Variants in PKNOX2 observed in about 807,000 individuals in gnomAD.
The protein encoded by PKNOX2 is PBX/knotted 1 homeobox 2, also known as homeobox protein PKNOX2.
Under a neutral mutation model 53.1 loss-of-function variants are expected in PKNOX2, and 14 were observed. The ratio of observed to expected loss-of-function variants is 0.26; its 90% CI spans 0.17 to 0.41. PKNOX2 has a LOEUF of 0.41. Ranked by LOEUF, PKNOX2 falls within the 10% of genes least tolerant of loss-of-function variation. The pLI is 1.00. For missense variants in PKNOX2, 496 were observed against 602.8 expected, an observed-to-expected ratio of 0.82 and a Z score of 1.85; for synonymous variants, 257 against 242.8, an observed-to-expected ratio of 1.06 and a Z score of -0.54.
At position 125,397,884 on chromosome 11, in the gene PKNOX2, C is replaced by T; in HGVS notation, c.410C>T (p.Ala137Val). Residue 137 changes from alanine to valine, a missense_variant, in exon 7 of 13, where the codon GCA (alanine) becomes GTA (valine). By Grantham distance (64) the Ala-to-Val change is moderately conservative (BLOSUM62 0). This residue lies in a region of PKNOX2 where 168 missense variants were observed against 178.4 expected (regional missense o/e 0.94). Coordinates refer to ENST00000298282, the MANE Select transcript of PKNOX2 (RefSeq NM_001382323.2). ...CCTCCCTCTCCACAGATGGTGAAGG[C>T]AATCCAGGTCCTGAGAATCCACCTG... ...DPELDNLMVK[A>V]IQVLRIHLLE... 6.2e-7 allele frequency: 1 copy of T among 1,610,404 alleles called. No individual in the cohort carries two copies. Among genetic ancestry groups the T allele is most frequent in the South Asian group, 1.1e-5 (1 of 89,998 alleles).
At chr11:125,306,116 T>C (rs1244711840) in intron 2 of PKNOX2, among the ~76,000 whole-genome samples, 2 of 151,954 alleles carry the variant, frequency 1.3e-5, no homozygotes, top group Admixed American at 6.6e-5. Context: ...CCAGGAGGCA[T>C]GGTGGCCATT....
At chr11:125,302,185 C>T (rs887803937) in intron 2 of PKNOX2, among the ~76,000 whole-genome samples, 1 of 152,130 alleles carries the variant, frequency 6.6e-6, no homozygotes, top group African/African-American at 2.4e-5. Flanking sequence ...TGGACTCCCA[C>T]AGAGGATGGG....
rs907302651 is a variant in PKNOX2, at chr11:125,418,305, A to C, written c.936+6440A>C. Among the ~76,000 whole-genome samples, 13 of 152,058 alleles carry C rather than the reference A, an allele frequency of 8.5e-5. 1 individual carries two copies. Among genetic ancestry groups the C allele is most frequent in the Non-Finnish European group, 1.9e-4 (13 of 68,040 alleles). On this transcript the variant is annotated intron_variant, in intron 10 of 12. Coordinates refer to ENST00000298282, the MANE Select transcript of PKNOX2 (RefSeq NM_001382323.2). ...TCATTCCACGTTGTGGTTGAAGCAT[A>C]TTCCATGGTACAGATGTAGCACATT...
At chr11:125,401,576 G>A (rs751552181) in intron 7 of PKNOX2, among the ~76,000 whole-genome samples, 10 of 152,110 alleles carry the variant, frequency 6.6e-5, no homozygotes, top group East Asian at 3.9e-4. Context: ...ACACTCACAC[G>A]TCTCTTAAGC....
In PKNOX2 at chr11:125,235,055, G is replaced by A. The variant is rs1191423286; in HGVS notation, c.-190G>A. 2 of 152,648 alleles carry A rather than the reference G, an allele frequency of 1.3e-5. No homozygotes were observed. Among genetic ancestry groups the A allele is most frequent in the Non-Finnish European group, 2.9e-5 (2 of 68,050 alleles). 9.5% of individuals were successfully genotyped at this position (152,648 alleles called of 1,614,324 possible). A position where few individuals can be genotyped will look rare whatever the true frequency, so the allele number is the denominator to read the frequency against. On this transcript the variant is annotated 5_prime_UTR_variant, in exon 2 of 13. Transcript: ENST00000298282. ...TTCTTTCATTGGCAGGTGAAGTCTG[G>A]AGCAGGACTTCTGAGGCTTTCTATC... is the stretch of plus-strand genomic sequence containing the variant.
chr11:125,391,516 CACA>C (rs1954051351), intron 6 of PKNOX2, among the ~76,000 whole-genome samples: 1 of 152,174 alleles, frequency 6.6e-6, no homozygotes, highest in African/African-American at 2.4e-5. Context: ...ATTCAGTTTT[CACA>C]ACAACTCTGA....
At chr11:125,226,756 TCAC>T (rs2135529087) in intron 1 of PKNOX2, among the ~76,000 whole-genome samples, 1 of 151,306 alleles carries the variant, frequency 6.6e-6, no homozygotes, top group African/African-American at 2.4e-5. Context: ...TCTCCTACCC[TCAC>T]CAGGTTTTTT....
chr11:125,196,559 A>G (rs1231120710), intron 1 of PKNOX2, among the ~76,000 whole-genome samples: 1 of 152,196 alleles, frequency 6.6e-6, no homozygotes, highest in Non-Finnish European at 1.5e-5. Flanking sequence ...CCACTGTCAC[A>G]GAGAGTGCTG....
intron 2 of PKNOX2, among the ~76,000 whole-genome samples, chr11:125,257,742 T>A (rs1195811095): frequency 6.6e-6 from 1 of 152,200 alleles, no homozygotes; most frequent in Non-Finnish European, 1.5e-5. Context: ...CTTTTCATCG[T>A]CATTGTCACT....
intron 2 of PKNOX2, among the ~76,000 whole-genome samples, chr11:125,263,684 G>C (rs1431395863): frequency 2.6e-5 from 4 of 152,246 alleles, no homozygotes; most frequent in African/African-American, 9.6e-5. Flanking sequence ...GGCTATCTCA[G>C]TCCGGTCTTC....
Position 125,351,280 on chromosome 11 carries a change from A to C in PKNOX2, c.-22-4A>C. On this transcript the variant is annotated splice_polypyrimidine_tract_variant and splice_region_variant and intron_variant, in intron 3 of 12. Transcript: ENST00000298282. ...CGGTGCGGCCCCCTTTCTCCTGCCC[A>C]CAGGTCCTCCATGTGAATCAATCCC... 7.0e-7 allele frequency: 1 copy of C among 1,424,826 alleles called. No homozygotes were observed. Among genetic ancestry groups the C allele is most frequent in the Non-Finnish European group, 9.9e-7 (1 of 1,013,598 alleles). 88.3% of individuals were successfully genotyped at this position (1,424,826 alleles called of 1,614,324 possible). A position where few individuals can be genotyped will look rare whatever the true frequency, so the allele number is the denominator to read the frequency against.
At chr11:125,223,761 G>A (rs893052371) in intron 1 of PKNOX2, among the ~76,000 whole-genome samples, 7 of 152,110 alleles carry the variant, frequency 4.6e-5, no homozygotes, top group Non-Finnish European at 1.0e-4. Context: ...TTTATACTAC[G>A]TTGGATCTAT....
intron 1 of PKNOX2, among the ~76,000 whole-genome samples, chr11:125,170,001 C>T (rs1250727745): frequency 6.6e-6 from 1 of 152,230 alleles, no homozygotes; most frequent in African/African-American, 2.4e-5. Flanking sequence ...TCTGACTTAT[C>T]AGAAATGCAG....
intron 1 of PKNOX2, among the ~76,000 whole-genome samples, chr11:125,196,617 G>A (rs1168948555): frequency 1.3e-5 from 2 of 152,188 alleles, no homozygotes; most frequent in East Asian, 3.9e-4. Flanking sequence ...GAGCCATGAA[G>A]CCAAACCTGG....
At chr11:125,236,015 G>A (rs541395696) in intron 2 of PKNOX2, among the ~76,000 whole-genome samples, 7 of 152,322 alleles carry the variant, frequency 4.6e-5, no homozygotes, top group East Asian at 1.9e-4. Flanking sequence ...TGTTGCTGCC[G>A]CGACTTTGAT....
chr11:125,431,307 A>AG lies in PKNOX2; in HGVS notation c.1336dup (p.Glu446GlyfsTer24). The AG allele has an allele frequency of 6.2e-7, 1 of 1,613,490 alleles. No homozygotes were observed. On this transcript the variant is annotated frameshift_variant, in exon 13 of 13. Transcript: ENST00000298282. LOFTEE classifies it high-confidence loss of function. Reference sequence around the variant, plus strand: ...GAGGATGAGATGGAAGAGGAGGAGGAGGAGGAGCTGGAGGAGGAGGTCGAC... The same window carrying AG: ...GAGGATGAGATGGAAGAGGAGGAGGAGGGAGGAGCTGGAGGAGGAGGTCGAC...
In PKNOX2 at chr11:125,256,139, T is replaced by A. The variant is rs1471578812; in HGVS notation, c.-130+21024T>A. Among the ~76,000 whole-genome samples the A allele has an allele frequency of 2.6e-5, 4 of 151,872 alleles. No homozygotes were observed. The East Asian group carries it at 7.8e-4, about 29-fold the overall frequency. On this transcript the variant is annotated intron_variant, in intron 2 of 12. Transcript: ENST00000298282. ...AACGTCAGGGTGAAACTTCCAGAAC[T>A]GAGAAGCCACAGAAAATATTTTATT...
intron 2 of PKNOX2, among the ~76,000 whole-genome samples, chr11:125,258,283 T>C (rs1944569356): frequency 6.6e-6 from 1 of 152,144 alleles, no homozygotes; most frequent in South Asian, 2.1e-4. Context: ...CTCTAACCCA[T>C]ATACTCCGGG....
At chr11:125,393,747 C>G (rs1393814098) in intron 6 of PKNOX2, among the ~76,000 whole-genome samples, 5 of 152,104 alleles carry the variant, frequency 3.3e-5, no homozygotes, top group Non-Finnish European at 7.4e-5. Context: ...AGAAAAGGCA[C>G]ATTACCAGGA....
Sources: gnomAD v4.1 joint callset for allele counts (sites outside exome capture counted in the v4.1 genomes callset) on GRCh38, gnomAD v4.1.1 for gene constraint, gnomAD v4.1.1 regional missense constraint, MANE v1.5 for transcripts, NCBI Gene and HGNC (gene_info 2026-07-23, HGNC 2026-07-21) for gene names.